CCDC91: variants seen among roughly 807,000 people sequenced by gnomAD.
The protein encoded by CCDC91 is coiled-coil domain containing 91, also known as coiled-coil domain-containing protein 91.
Under a neutral mutation model 63.2 loss-of-function variants are expected in CCDC91, and 48 were observed. The ratio of observed to expected loss-of-function variants is 0.76; its 90% confidence interval spans 0.60 to 0.97. The LOEUF is 0.97. Among genes scored for constraint, CCDC91 ranks in the 50% least tolerant of loss-of-function variants. The pLI is 0.00. For missense variants in CCDC91, 500 were observed against 494.6 expected (o/e 1.01, Z -0.10); for synonymous variants, 167 against 165.8 (o/e 1.01, Z -0.06).
At chr12:28,394,412 C>T (rs565003324) in intron 8 of CCDC91, among the ~76,000 whole-genome samples, 1 of 151,676 alleles carries the variant, frequency 6.6e-6, no homozygotes, top group East Asian at 1.9e-4. Context: ...CTTGCAGTGA[C>T]CCGAGATCAT....
Position 28,305,856 on chromosome 12 carries a change from C to A in CCDC91, c.267+50C>A, listed in dbSNP as rs375941542. The A allele has an allele frequency of 7.6e-6, 11 of 1,450,688 alleles. No homozygotes were observed. In the African/African-American group the frequency reaches 1.3e-4, roughly 17 times the overall value. The allele number at this position is 1,450,688 out of a possible 1,614,324, so 89.9% of individuals were successfully genotyped here. Reference sequence around the variant, plus strand: ...GAGGTTTGCATATTTAAAAAATTGCCTGCTAATTTAATTGTTGCTTTTTTA... The same window carrying A: ...GAGGTTTGCATATTTAAAAAATTGCATGCTAATTTAATTGTTGCTTTTTTA... On this transcript the variant is annotated intron_variant, in intron 4 of 12. Transcript: ENST00000536442.
intron 1 of CCDC91, among the ~76,000 whole-genome samples, chr12:28,192,090 TTTTTG>T (rs1271650319): frequency 1.3e-5 from 2 of 152,206 alleles, no homozygotes; most frequent in Non-Finnish European, 2.9e-5. Context: ...TTCTGAGACA[TTTTTG>T]TTTATTTTGA....
intron 12 of CCDC91, among the ~76,000 whole-genome samples, chr12:28,494,688 C>T (rs1952188280): frequency 6.6e-6 from 1 of 151,482 alleles, no homozygotes; most frequent in Non-Finnish European, 1.5e-5. Flanking sequence ...TTTATATAAC[C>T]CTAAGATGAA....
chr12:28,448,795 T>C (rs1949660618), intron 8 of CCDC91, among the ~76,000 whole-genome samples: 1 of 152,112 alleles, frequency 6.6e-6, no homozygotes, highest in Non-Finnish European at 1.5e-5. Context: ...TTTGGTCTCA[T>C]ACAGTTTTTA....
intron 12 of CCDC91, among the ~76,000 whole-genome samples, chr12:28,539,480 A>G (rs541105511): frequency 1.2e-4 from 18 of 152,308 alleles, no homozygotes; most frequent in Non-Finnish European, 2.5e-4. Flanking sequence ...CTGTTTTGGT[A>G]CCAGTACCAT....
intron 7 of CCDC91, among the ~76,000 whole-genome samples, chr12:28,385,620 C>G (rs551312264): frequency 3.9e-5 from 6 of 151,914 alleles, no homozygotes; most frequent in African/African-American, 1.5e-4. Context: ...ATTATTGTTG[C>G]TTACAGTTAG....
intron 8 of CCDC91, among the ~76,000 whole-genome samples, chr12:28,424,936 A>G (rs948993624): frequency 1.3e-5 from 2 of 152,114 alleles, no homozygotes; most frequent in African/African-American, 4.8e-5. Flanking sequence ...TTAACATTAT[A>G]TATGATGTGA....
At chr12:28,484,859 A>T (rs563351481) in intron 12 of CCDC91, among the ~76,000 whole-genome samples, 2 of 150,238 alleles carry the variant, frequency 1.3e-5, no homozygotes, top group East Asian at 3.9e-4. Flanking sequence ...ATAATAAAAT[A>T]TATAATAAAA....
At chr12:28,504,036 G>A (rs1000367848) in intron 12 of CCDC91, among the ~76,000 whole-genome samples, 56 of 151,844 alleles carry the variant, frequency 3.7e-4, no homozygotes, top group Non-Finnish European at 6.0e-4. Context: ...GTATACATAT[G>A]TAACTAACCT....
intron 3 of CCDC91, among the ~76,000 whole-genome samples, chr12:28,273,726 G>T (rs551670638): frequency 1.1e-4 from 16 of 152,218 alleles, no homozygotes; most frequent in African/African-American, 1.7e-4. Flanking sequence ...GTTCATTGTA[G>T]ATTCTGGATA....
chr12:28,393,060 C>T (rs1482032008), intron 8 of CCDC91, among the ~76,000 whole-genome samples: 1 of 152,192 alleles, frequency 6.6e-6, no homozygotes, highest in Non-Finnish European at 1.5e-5. Context: ...AGGGATTGCT[C>T]TTTCATTTCC....
At chr12:28,307,550 C>T (rs878891940) in intron 5 of CCDC91, 95 bp from the exon 6 acceptor site, 2 of 625,132 alleles carry the variant, frequency 3.2e-6, no homozygotes, top group South Asian at 2.4e-5. Flanking sequence ...TGGATTCTTT[C>T]TCTGACAAAT....
intron 11 of CCDC91, among the ~76,000 whole-genome samples, chr12:28,468,332 G>A (rs751472692): frequency 6.6e-6 from 1 of 150,816 alleles, no homozygotes; most frequent in Non-Finnish European, 1.5e-5. Context: ...CTATAAATCA[G>A]AAAATGTAGA....
intron 7 of CCDC91, among the ~76,000 whole-genome samples, chr12:28,387,759 T>C (rs1454573350): frequency 6.6e-6 from 1 of 152,222 alleles, no homozygotes; most frequent in Non-Finnish European, 1.5e-5. Flanking sequence ...ATCATATATT[T>C]ATACCGCAGT....
chr12:28,202,782 T>C (rs1481553606), intron 1 of CCDC91, among the ~76,000 whole-genome samples: 3 of 152,268 alleles, frequency 2.0e-5, no homozygotes, highest in Non-Finnish European at 4.4e-5. Flanking sequence ...AAGGAATATG[T>C]TGGATCTTAT....
chr12:28,375,035 T>G (rs928780660), intron 7 of CCDC91, among the ~76,000 whole-genome samples: 7 of 152,036 alleles, frequency 4.6e-5, no homozygotes, highest in Admixed American at 2.6e-4. Context: ...AGTACTTCTG[T>G]TAGTAGAGCT....
chr12:28,207,205 G>A (rs1942921735), intron 1 of CCDC91, among the ~76,000 whole-genome samples: 1 of 152,180 alleles, frequency 6.6e-6, no homozygotes, highest in South Asian at 2.1e-4. Context: ...ATCTTAATCT[G>A]TGATCTTGGG....
chr12:28,323,682 T>C (rs1312209897), intron 6 of CCDC91, among the ~76,000 whole-genome samples: 1 of 151,968 alleles, frequency 6.6e-6, no homozygotes, highest in Non-Finnish European at 1.5e-5. Context: ...CTTAGATGTA[T>C]AGATGCAAAA....
intron 12 of CCDC91, among the ~76,000 whole-genome samples, chr12:28,548,609 C>A (rs557377601): frequency 2.0e-5 from 3 of 152,156 alleles, no homozygotes; most frequent in African/African-American, 7.2e-5. Context: ...CCAAAACTTT[C>A]TCTAATTTCA....
Sources: allele counts gnomAD v4.1 joint callset (sites outside exome capture counted in the v4.1 genomes callset), GRCh38; gene constraint gnomAD v4.1.1; transcripts MANE v1.5; gene names NCBI Gene and HGNC (gene_info 2026-07-23, HGNC 2026-07-21).